Variants in EPHB1 observed in about 807,000 individuals in gnomAD.
EPHB1 encodes ephrin type-B receptor 1.
A neutral mutation model predicts 94.4 loss-of-function variants in EPHB1; 30 were observed. The ratio of observed to expected loss-of-function variants is 0.32; its 90% CI spans 0.24 to 0.43. The LOEUF is 0.43. EPHB1 is among the 20% of genes least tolerant of loss of function. The pLI is 1.00. For missense variants in EPHB1, 1,055 were observed against 1,308.3 expected, an observed-to-expected ratio of 0.81 and a Z score of 2.99; for synonymous variants, 522 against 489.1, an observed-to-expected ratio of 1.07 and a Z score of -0.89.
At chr3:134,856,549 C>T (rs1013315146) in intron 1 of EPHB1, among the ~76,000 whole-genome samples, 1 of 152,160 alleles carries the variant, frequency 6.6e-6, no homozygotes, top group African/African-American at 2.4e-5. Flanking sequence ...GAGCTGGAGG[C>T]TGATGAACAA....
chr3:135,087,824 T>C (rs1466366098), intron 3 of EPHB1, among the ~76,000 whole-genome samples: 1 of 152,178 alleles, frequency 6.6e-6, no homozygotes, highest in Non-Finnish European at 1.5e-5. Context: ...CCAAGGGTCC[T>C]GTGGAAAAAG....
chr3:134,990,971 C>A (rs376826767), intron 3 of EPHB1, among the ~76,000 whole-genome samples: 2 of 152,026 alleles, frequency 1.3e-5, no homozygotes, highest in Admixed American at 6.6e-5. Flanking sequence ...TAAATCCTTA[C>A]GGATAACTTT....
intron 1 of EPHB1, among the ~76,000 whole-genome samples, chr3:134,818,589 G>T (rs757646232): frequency 6.6e-6 from 1 of 152,104 alleles, no homozygotes; most frequent in South Asian, 2.1e-4. Context: ...TTATGCCTTT[G>T]CATCCTCATA....
intron 1 of EPHB1, among the ~76,000 whole-genome samples, chr3:134,815,090 A>T (rs915677404): frequency 2.0e-5 from 3 of 152,250 alleles, no homozygotes; most frequent in Admixed American, 2.0e-4. Context: ...GATTCATGAC[A>T]AGTTAATGTA....
At chr3:135,020,925 T>G (rs113938797) in intron 3 of EPHB1, among the ~76,000 whole-genome samples, 5 of 152,128 alleles carry the variant, frequency 3.3e-5, no homozygotes, top group Non-Finnish European at 7.4e-5. Context: ...TTCCCAATAG[T>G]CAATTGACGT....
intron 1 of EPHB1, among the ~76,000 whole-genome samples, chr3:134,888,311 C>A (rs1409154535): frequency 6.6e-6 from 1 of 152,172 alleles, no homozygotes; most frequent in African/African-American, 2.4e-5. Context: ...CTGTGAGCTC[C>A]AAGCCATGAG....
intron 3 of EPHB1, among the ~76,000 whole-genome samples, chr3:134,959,966 CTTTTTTTTTTTTTTTTTTTTT>C (rs61369813): frequency 2.7e-4 from 29 of 107,418 alleles, no homozygotes; most frequent in East Asian, 1.7e-3. Context: ...ACATCTGCAC[CTTTTTTTTTTTTTTTTTTTTT>C]TTTTTTTTTT....
Position 135,007,567 on chromosome 3 carries a change from G to A in EPHB1, c.805+55515G>A, listed in dbSNP as rs1935468832. On this transcript the variant is annotated intron_variant, in intron 3 of 15. Coordinates refer to ENST00000398015, the MANE Select transcript of EPHB1 (RefSeq NM_004441.5). ...TCCTTAATTCAGAGGATAGTGAGTG[G>A]GCCTTTTCTGGGATGCAGACTCACC... is the stretch of plus-strand genomic sequence containing the variant. Among the ~76,000 whole-genome samples the A allele has an allele frequency of 1.3e-5, 2 of 152,076 alleles. 1 individual carries two copies. The highest frequency in any genetic ancestry group is 4.1e-4 in the South Asian group (2 of 4,822).
In EPHB1 at chr3:135,165,991, G is replaced by A. The variant is rs371609605; in HGVS notation, c.1609G>A (p.Glu537Lys). Reference protein sequence around the residue: ...TDDDYKSELREQLPLIAGSAA... With the variant: ...TDDDYKSELRKQLPLIAGSAA... ...AGATGATTACAAGTCAGAGCTGAGG[G>A]AGCAGCTGCCCCTGATTGCTGGCTC... Residue 537 changes from glutamate (E) to lysine (K), a missense_variant, in exon 8 of 16, where the codon GAG (glutamate) becomes AAG (lysine). Physicochemically the swap from Glu to Lys is moderately conservative, Grantham distance 56 (BLOSUM62 1). Transcript: ENST00000398015. 27 of 1,613,852 alleles carry A rather than the reference G, an allele frequency of 1.7e-5. No homozygotes were observed. The highest frequency in any genetic ancestry group is 2.2e-5 in the Non-Finnish European group (26 of 1,179,876).
chr3:135,064,025 T>C (rs1323882186), intron 3 of EPHB1, among the ~76,000 whole-genome samples: 1 of 152,204 alleles, frequency 6.6e-6, no homozygotes, highest in African/African-American at 2.4e-5. Context: ...AAACCATCCC[T>C]ATGTCCCTGG....
rs939946813 is a variant in EPHB1 at position 135,028,284 on chromosome 3, T to G, written c.805+76232T>G. On this transcript the variant is annotated intron_variant, in intron 3 of 15. Transcript: ENST00000398015. ...TCTACTAGCTTTTGAATGTGTTTGC[T>G]CTTGCTTTTCTAGTTCTTTTAATTG... Among the ~76,000 whole-genome samples, 59 of 146,170 alleles carry G rather than the reference T, an allele frequency of 4.0e-4. 1 individual carries two copies. Among genetic ancestry groups the G allele is most frequent in the African/African-American group, 1.6e-3 (58 of 37,276 alleles).
chr3:135,189,113 G>T (rs187297374), intron 10 of EPHB1, among the ~76,000 whole-genome samples: 24 of 152,304 alleles, frequency 1.6e-4, no homozygotes, highest in African/African-American at 5.5e-4. Context: ...TCCCAATTAG[G>T]AAAGTAGTTT....
chr3:134,821,203 G>A (rs1217845898), intron 1 of EPHB1, among the ~76,000 whole-genome samples: 1 of 152,216 alleles, frequency 6.6e-6, no homozygotes, highest in African/African-American at 2.4e-5. Context: ...TCAACTGATT[G>A]GATGTGGCCC....
At chr3:134,846,331 C>T (rs1425731611) in intron 1 of EPHB1, among the ~76,000 whole-genome samples, 4 of 152,054 alleles carry the variant, frequency 2.6e-5, no homozygotes, top group Admixed American at 6.5e-5. Context: ...TGCAATCTGC[C>T]GGGGCAGGGC....
intron 9 of EPHB1, among the ~76,000 whole-genome samples, chr3:135,174,062 A>G (rs1448315683): frequency 2.0e-5 from 3 of 152,158 alleles, no homozygotes; most frequent in Non-Finnish European, 4.4e-5. Flanking sequence ...TTACACCTGA[A>G]TTTGTATTAC....
chr3:134,889,018 A>G (rs906622031), intron 1 of EPHB1, among the ~76,000 whole-genome samples: 4 of 152,150 alleles, frequency 2.6e-5, no homozygotes, highest in Non-Finnish European at 5.9e-5. Context: ...GCTGAAGTAG[A>G]CCCATTAGCA....
intron 10 of EPHB1, among the ~76,000 whole-genome samples, chr3:135,186,842 C>G (rs1942343067): frequency 6.6e-6 from 1 of 152,126 alleles, no homozygotes. Flanking sequence ...CAGCAGCTAT[C>G]TGGGATGAAA....
intron 2 of EPHB1, among the ~76,000 whole-genome samples, chr3:134,937,248 C>T (rs2039021173): frequency 6.6e-6 from 1 of 152,246 alleles, no homozygotes. Context: ...CAAGCTCCAG[C>T]ATCCAAAGTC....
intron 13 of EPHB1, among the ~76,000 whole-genome samples, chr3:135,246,217 C>T (rs367715595): frequency 5.3e-5 from 8 of 152,218 alleles, no homozygotes; most frequent in African/African-American, 1.9e-4. Context: ...GACTCTAGCT[C>T]CTCCTGCTGG....
Sources: allele counts gnomAD v4.1 joint callset (sites outside exome capture counted in the v4.1 genomes callset), GRCh38; gene constraint gnomAD v4.1.1; transcripts MANE v1.5; gene names NCBI Gene and HGNC (gene_info 2026-07-23, HGNC 2026-07-21).